The following UBASH3B variants were observed in gnomAD, a reference collection of about 807,000 sequenced individuals.
UBASH3B encodes the protein ubiquitin-associated and SH3 domain-containing protein B.
Under a neutral mutation model 83.4 loss-of-function variants are expected in UBASH3B, and 37 were observed. That is an observed-to-expected ratio of 0.44 (90% CI 0.34 to 0.58). UBASH3B has a LOEUF of 0.58. Ranked by LOEUF, UBASH3B falls within the 20% of genes least tolerant of loss-of-function variation. The pLI is 0.01. For missense variants in UBASH3B, 657 were observed against 827.2 expected, an observed-to-expected ratio of 0.79 and a Z score of 2.52; for synonymous variants, 304 against 318.3, an observed-to-expected ratio of 0.96 and a Z score of 0.48.
chr11:122,739,440 TTCTC>T (rs1252551284), intron 1 of UBASH3B, among the ~76,000 whole-genome samples: 1 of 152,170 alleles, frequency 6.6e-6, no homozygotes, highest in Non-Finnish European at 1.5e-5. Flanking sequence ...ATAATAAGAT[TTCTC>T]TCTGAGGTTC....
chr11:122,703,156 G>T lies in UBASH3B; in HGVS notation c.161+46946G>T, dbSNP rs542756064. Among the ~76,000 whole-genome samples, 10 of 152,202 alleles carry T rather than the reference G, an allele frequency of 6.6e-5. 1 individual carries two copies. The South Asian group carries it at 2.1e-3, about 32-fold the overall frequency. On this transcript the variant is annotated intron_variant, in intron 1 of 13. Transcript: ENST00000284273. ...ATATTTTTTTCTTTGGCCGGGCACG[G>T]TGGCTCATGCCTGTAAATCCCAGCA...
chr11:122,677,123 C>T (rs1565525731), intron 1 of UBASH3B, among the ~76,000 whole-genome samples: 1 of 152,090 alleles, frequency 6.6e-6, no homozygotes, highest in African/African-American at 2.4e-5. Context: ...TTTTTCCTGC[C>T]ATTATTTCCT....
intron 1 of UBASH3B, among the ~76,000 whole-genome samples, chr11:122,755,591 G>T (rs1393922650): frequency 6.6e-6 from 1 of 152,114 alleles, no homozygotes; most frequent in Non-Finnish European, 1.5e-5. Flanking sequence ...TTGTACCAAA[G>T]CGGCTCTCAG....
chr11:122,758,281 TA>T lies in UBASH3B; in HGVS notation c.162-17935del, dbSNP rs1476709131. Among the ~76,000 whole-genome samples, 1 of 152,134 alleles carries T rather than the reference TA, an allele frequency of 6.6e-6. No homozygotes were observed. Among genetic ancestry groups the T allele is most frequent in the Non-Finnish European group, 1.5e-5 (1 of 68,022 alleles). On this transcript the variant is annotated intron_variant, in intron 1 of 13. Transcript: ENST00000284273. This position sits in a 1 kb window ranked among gnomAD's most constrained non-coding sequence, Gnocchi z 4.2. Reference sequence around the variant, plus strand: ...TTGGTCAAGTCCCATTTATAATATGTAAAGTACTCCCATAAAGGGGGATGCA... The same window carrying T: ...TTGGTCAAGTCCCATTTATAATATGTAAGTACTCCCATAAAGGGGGATGCA...
rs370894872 is a variant in UBASH3B, at chr11:122,747,956, G to A, written c.162-28263G>A. Among the ~76,000 whole-genome samples, 4 of 152,300 alleles carry A rather than the reference G, an allele frequency of 2.6e-5. No homozygotes were observed. The South Asian group carries it at 6.2e-4, about 24-fold the overall frequency. The stretch of plus-strand genomic sequence containing the variant: ...TGTTGTGAGGGTTAAATGATACAAT[G>A]CAGGTAAAGAGCATAGTACATACAC... On this transcript the variant is annotated intron_variant, in intron 1 of 13. Coordinates refer to ENST00000284273, the MANE Select transcript of UBASH3B (RefSeq NM_032873.5).
At position 122,765,133 on chromosome 11, in the gene UBASH3B, G is replaced by A. The variant is rs140943050; in HGVS notation, c.162-11086G>A. ...ACTTGCACCCACAGAGACTAGGTTC[G>A]GTTTTATTCATTTTTGTCTTTGGAA... On this transcript the variant is annotated intron_variant, in intron 1 of 13. Coordinates refer to ENST00000284273, the MANE Select transcript of UBASH3B (RefSeq NM_032873.5). Among the ~76,000 whole-genome samples, 403 of 151,634 alleles carry A rather than the reference G, an allele frequency of 2.7e-3. 2 individuals carry two copies. The highest frequency in any genetic ancestry group is 9.4e-3 in the African/African-American group (386 of 41,274).
chr11:122,779,813 A>G, intron 4 of UBASH3B, 118 bp downstream of exon 4: 1 of 1,221,718 alleles, frequency 8.2e-7, no homozygotes, highest in Non-Finnish European at 1.2e-6. Context: ...AGGACCCTGC[A>G]GGAATGGACG....
At chr11:122,790,377 A>G (rs939918267) in intron 6 of UBASH3B, among the ~76,000 whole-genome samples, 1 of 151,898 alleles carries the variant, frequency 6.6e-6, no homozygotes, top group African/African-American at 2.4e-5. Context: ...AGCCCAGCCC[A>G]TGAGCCTCCA....
chr11:122,675,378 C>G (rs2135903873), intron 1 of UBASH3B, among the ~76,000 whole-genome samples: 1 of 152,294 alleles, frequency 6.6e-6, no homozygotes, highest in African/African-American at 2.4e-5. Flanking sequence ...AGTGTGGATG[C>G]TGTTCTGAGA....
chr11:122,809,271 T>C (rs978527494), intron 13 of UBASH3B, among the ~76,000 whole-genome samples: 5 of 152,120 alleles, frequency 3.3e-5, no homozygotes, highest in Non-Finnish European at 7.4e-5. Context: ...AGATGAGGTT[T>C]GCCATGTTGG....
At chr11:122,787,139 G>A (rs1424013099) in intron 5 of UBASH3B, among the ~76,000 whole-genome samples, 1 of 152,146 alleles carries the variant, frequency 6.6e-6, no homozygotes, top group Non-Finnish European at 1.5e-5. Flanking sequence ...GTTTAGGCTT[G>A]TTTCCCTGTG....
chr11:122,709,988 T>C lies in UBASH3B; in HGVS notation c.161+53778T>C, dbSNP rs112387680. ...CTGGCCAACATGGTGAAAGCCCGTC[T>C]CCACTAAAATTACAAAAATTAGCCA... On this transcript the variant is annotated intron_variant, in intron 1 of 13. Transcript: ENST00000284273. Among the ~76,000 whole-genome samples the C allele has an allele frequency of 9.0e-3, 1,362 of 151,868 alleles. 20 individuals are homozygous for C. The highest frequency in any genetic ancestry group is 0.031 in the African/African-American group (1,301 of 41,386).
At position 122,686,907 on chromosome 11, in the gene UBASH3B, G is replaced by A. The variant is rs1179401626; in HGVS notation, c.161+30697G>A. Among the ~76,000 whole-genome samples, 16 of 150,802 alleles carry A rather than the reference G, an allele frequency of 1.1e-4. 1 individual carries two copies. The highest frequency in any genetic ancestry group is 6.6e-4 in the Admixed American group (10 of 15,092). ...TTTTGAGACAGGGTCTAGCTCTGTC[G>A]CCCAGGCTGGAGTACAGTGGTGCGG... On this transcript the variant is annotated intron_variant, in intron 1 of 13. Transcript: ENST00000284273.
chr11:122,792,775 A>C (rs963466882), intron 6 of UBASH3B, among the ~76,000 whole-genome samples: 1 of 152,216 alleles, frequency 6.6e-6, no homozygotes, highest in Non-Finnish European at 1.5e-5. Flanking sequence ...CAACATACGC[A>C]GATGGACTGA....
intron 5 of UBASH3B, among the ~76,000 whole-genome samples, chr11:122,788,488 G>A (rs1257109319): frequency 6.6e-6 from 1 of 152,148 alleles, no homozygotes; most frequent in African/African-American, 2.4e-5. Context: ...AGAATCACTT[G>A]AACCCAGGAG....
At chr11:122,779,985 T>C (rs1860822772) in intron 4 of UBASH3B, among the ~76,000 whole-genome samples, 1 of 152,180 alleles carries the variant, frequency 6.6e-6, no homozygotes, top group Non-Finnish European at 1.5e-5. Context: ...TAGAAATGTA[T>C]TTCTTTGTAG....
At chr11:122,725,342 A>AAAAAAAAGAGAG (rs71281633) in intron 1 of UBASH3B, among the ~76,000 whole-genome samples, 16 of 130,822 alleles carry the variant, frequency 1.2e-4, no homozygotes, top group African/African-American at 3.0e-4. Context: ...AAAAAAAAAA[A>AAAAAAAAGAGAG]AAGAAAAGAA....
At chr11:122,789,047 G>A (rs755014787) in intron 5 of UBASH3B, 53 bp from the exon 6 acceptor site, 195 of 1,535,408 alleles carry the variant, frequency 1.3e-4, no homozygotes, top group Non-Finnish European at 1.6e-4. Flanking sequence ...CCCTCAAGGC[G>A]CTCAGGAGAA....
At chr11:122,668,528 A>G (rs1382006616) in intron 1 of UBASH3B, among the ~76,000 whole-genome samples, 1 of 152,110 alleles carries the variant, frequency 6.6e-6, no homozygotes, top group African/African-American at 2.4e-5. Flanking sequence ...TGTACCAGTG[A>G]TAGGATATTG....
Sources: allele counts gnomAD v4.1 joint callset (sites outside exome capture counted in the v4.1 genomes callset), GRCh38; gene constraint gnomAD v4.1.1; non-coding constraint Gnocchi (gnomAD v3.1); transcripts MANE v1.5; gene names NCBI Gene and HGNC (gene_info 2026-07-23, HGNC 2026-07-21).